The following LRRFIP1 variants were observed in gnomAD, a reference collection of about 807,000 sequenced individuals.
The protein encoded by LRRFIP1 is LRR binding FLII interacting protein 1.
Under a neutral mutation model 104.4 loss-of-function variants are expected in LRRFIP1, and 62 were observed. The observed-to-expected ratio is 0.59, with a 90% CI of 0.48 to 0.73. LRRFIP1 has a LOEUF of 0.73. Among genes scored for constraint, LRRFIP1 ranks in the 30% least tolerant of loss-of-function variants. The pLI, the probability that LRRFIP1 is intolerant of heterozygous loss-of-function variation, is 0.00. For synonymous variants in LRRFIP1, 300 were observed against 299.0 expected, an observed-to-expected ratio of 1.00 and a Z score of -0.03; for missense variants, 796 against 824.5, an observed-to-expected ratio of 0.97 and a Z score of 0.42.
Position 237,681,678 on chromosome 2 carries a change from C to CTTTTTTT in LRRFIP1, c.97-26853_97-26847dup, listed in dbSNP as rs1172576547. Among the ~76,000 whole-genome samples the CTTTTTTT allele has an allele frequency of 6.2e-4, 28 of 44,900 alleles. 6 individuals are homozygous for CTTTTTTT. The highest frequency in any genetic ancestry group is 1.3e-3 in the Admixed American group (4 of 3,074). 29.5% of individuals were successfully genotyped at this position (44,900 alleles called of 152,430 possible). ...CACCGTGCCCGGCCGCAGTCCTATTCTTTTTTTTTTTTTTTTTTTGAGACG... is the reference window on the plus strand; with the variant it reads ...CACCGTGCCCGGCCGCAGTCCTATTCTTTTTTTTTTTTTTTTTTTTTTTTTTGAGACG... On this transcript the variant is annotated intron_variant, in intron 1 of 23. Coordinates refer to ENST00000308482, the MANE Select transcript of LRRFIP1 (RefSeq NM_001137550.2).
chr2:237,708,583 G>C lies in LRRFIP1; in HGVS notation c.136G>C (p.Glu46Gln), dbSNP rs775872684. 2 of 1,598,702 alleles carry C rather than the reference G, an allele frequency of 1.3e-6. No homozygotes were observed. Among genetic ancestry groups the C allele is most frequent in the Admixed American group, 3.4e-5 (2 of 59,034 alleles). ...RLAAKRAARAEAREIRMKELE... is the reference protein window; with the variant it reads ...RLAAKRAARAQAREIRMKELE... ...CGCTGCAAAACGGGCGGCCCGCGCGGAGGCTCGCGAGATCCGCATGAAGGA... is the reference window on the plus strand; with the variant it reads ...CGCTGCAAAACGGGCGGCCCGCGCGCAGGCTCGCGAGATCCGCATGAAGGA... Residue 46 changes from glutamate to glutamine, a missense_variant, in exon 2 of 24, where the codon GAG becomes CAG. By Grantham distance (29) the Glu-to-Gln change is conservative. Transcript: ENST00000308482.
chr2:237,692,748 A>C (rs1285526771), intron 1 of LRRFIP1, among the ~76,000 whole-genome samples: 1 of 152,150 alleles, frequency 6.6e-6, no homozygotes, highest in Non-Finnish European at 1.5e-5. Flanking sequence ...GTGGGACGCC[A>C]CCTCCAAGGA....
intron 20 of LRRFIP1, 49 bp downstream of exon 20, chr2:237,770,041 A>G: frequency 7.0e-7 from 1 of 1,436,836 alleles, no homozygotes; most frequent in Non-Finnish European, 9.7e-7. Flanking sequence ...GGCACCTGAA[A>G]CCACCTGCCC....
chr2:237,703,438 T>C lies in LRRFIP1; in HGVS notation c.97-5106T>C, dbSNP rs568158704. ...CTAAAACAAAAGTCAGATTCCGCTG[T>C]GTTCTTAAAACCCTTCAGTGGTTCT... On this transcript the variant is annotated intron_variant, in intron 1 of 23. Coordinates refer to ENST00000308482, the MANE Select transcript of LRRFIP1 (RefSeq NM_001137550.2). The surrounding 1 kb of genome is among the most constrained non-coding windows in gnomAD (Gnocchi z 4.3). 2.7e-4 allele frequency among the ~76,000 whole-genome samples: 41 copies of C among 152,304 alleles called. No homozygotes were observed. Among genetic ancestry groups the C allele is most frequent in the African/African-American group, 9.1e-4 (38 of 41,558 alleles).
intron 1 of LRRFIP1, among the ~76,000 whole-genome samples, chr2:237,708,304 T>G (rs2093913002): frequency 6.6e-6 from 1 of 152,254 alleles, no homozygotes. Context: ...CATGGCATCA[T>G]ATCCATAAAG....
chr2:237,650,560 CTG>C (rs2085768048), intron 1 of LRRFIP1, among the ~76,000 whole-genome samples: 1 of 152,202 alleles, frequency 6.6e-6, no homozygotes, highest in Non-Finnish European at 1.5e-5. Flanking sequence ...ACACTGACTC[CTG>C]TGTGAATGAC....
Position 237,712,312 on chromosome 2 carries a change from CAA to C in LRRFIP1, c.184-1946_184-1945del, listed in dbSNP as rs370253427. On this transcript the variant is annotated intron_variant, in intron 2 of 23. Coordinates refer to ENST00000308482, the MANE Select transcript of LRRFIP1 (RefSeq NM_001137550.2). ...ATCAGTTCTGTACCAACAATAAAAA[CAA>C]GAGTGGAGGAGGGAGTGAATCCGTG... Among the ~76,000 whole-genome samples, 563 of 152,292 alleles carry C rather than the reference CAA, an allele frequency of 3.7e-3. 6 individuals carry two copies. Among genetic ancestry groups the C allele is most frequent in the Admixed American group, 9.2e-3 (141 of 15,298 alleles).
chr2:237,752,925 T>A (rs897627450), intron 14 of LRRFIP1, among the ~76,000 whole-genome samples: 4 of 152,222 alleles, frequency 2.6e-5, no homozygotes, highest in African/African-American at 9.6e-5. Context: ...GTCACACGCC[T>A]CGAGTGATTC....
intron 20 of LRRFIP1, among the ~76,000 whole-genome samples, chr2:237,771,124 T>A (rs1220378165): frequency 6.6e-6 from 1 of 152,076 alleles, no homozygotes; most frequent in African/African-American, 2.4e-5. Context: ...GGTGATCACC[T>A]GCAACAATTC....
chr2:237,690,883 G>T (rs2092711137), intron 1 of LRRFIP1, among the ~76,000 whole-genome samples: 1 of 152,180 alleles, frequency 6.6e-6, no homozygotes, highest in South Asian at 2.1e-4. Context: ...ATCAAAGACA[G>T]CTTGGCCTCT....
chr2:237,710,152 C>T (rs1683647622), intron 2 of LRRFIP1, among the ~76,000 whole-genome samples: 1 of 152,210 alleles, frequency 6.6e-6, no homozygotes. Context: ...TCAGCCACCA[C>T]ACCTGGCTTA....
chr2:237,707,173 A>C (rs2093852324), intron 1 of LRRFIP1, among the ~76,000 whole-genome samples: 1 of 152,066 alleles, frequency 6.6e-6, no homozygotes, highest in African/African-American at 2.4e-5. Context: ...AAGAAGGTAC[A>C]TTTGTAATAT....
chr2:237,701,132 G>A (rs1473145947), intron 1 of LRRFIP1, among the ~76,000 whole-genome samples: 3 of 152,194 alleles, frequency 2.0e-5, no homozygotes, highest in Non-Finnish European at 2.9e-5. Flanking sequence ...AGGAGTGTGG[G>A]GCTTTTGAAG....
intron 1 of LRRFIP1, among the ~76,000 whole-genome samples, chr2:237,670,978 G>A (rs773704400): frequency 9.9e-4 from 151 of 152,304 alleles, no homozygotes; most frequent in Non-Finnish European, 1.7e-3. Flanking sequence ...GAGGCTGCTG[G>A]CACTAACAGC....
intron 7 of LRRFIP1, among the ~76,000 whole-genome samples, chr2:237,725,890 G>A (rs1284377303): frequency 6.6e-6 from 1 of 152,238 alleles, no homozygotes; most frequent in Non-Finnish European, 1.5e-5. Flanking sequence ...TTCATAAGCA[G>A]CAGTGGAGAG....
intron 19 of LRRFIP1, chr2:237,763,857 C>G (rs1383218791): frequency 3.1e-6 from 5 of 1,614,198 alleles, no homozygotes; most frequent in Admixed American, 1.7e-5. Flanking sequence ...CAAAGCAGTC[C>G]TGCAGAACCA....
Position 237,772,924 on chromosome 2 carries a change from G to A in LRRFIP1, c.1686G>A (p.Glu562=). The change falls in exon 22 of 24, where the codon GAG becomes GAA. Residue 562 remains glutamate (E), a synonymous_variant. Transcript: ENST00000308482. The part of the protein sequence containing the change: ...LKFKLAKSEQ[E]ITALEQNVIR... ...TTAAACTTGCAAAATCTGAGCAAGA[G>A]ATAACTGCATTAGAACAAAATGTAC... 6.2e-7 allele frequency: 1 copy of A among 1,613,680 alleles called. No individual in the cohort carries two copies. The highest frequency in any genetic ancestry group is 1.1e-5 in the South Asian group (1 of 91,082).
rs761405638 is a variant in LRRFIP1 at position 237,753,461 on chromosome 2, G to C, written c.1020G>C (p.Gln340His). Reference protein sequence around the residue: ...LEEQLAESRRQYEEKNKEFER... With the variant: ...LEEQLAESRRHYEEKNKEFER... ...AACAGCTGGCTGAATCTAGGCGGCA[G>C]TACGAAGAGAAAAACAAAGTAAGCA... Residue 340 changes from glutamine to histidine, a missense_variant, in exon 15 of 24, where the codon CAG becomes CAC. Coordinates refer to ENST00000308482, the MANE Select transcript of LRRFIP1 (RefSeq NM_001137550.2). The C allele has an allele frequency of 1.9e-6, 3 of 1,589,018 alleles. No homozygotes were observed.
chr2:237,644,377 G>C (rs1165581948), intron 1 of LRRFIP1, among the ~76,000 whole-genome samples: 1 of 152,200 alleles, frequency 6.6e-6, no homozygotes. Context: ...GAGGAATTTA[G>C]GTGTATTAAC....
Sources: allele counts gnomAD v4.1 joint callset (sites outside exome capture counted in the v4.1 genomes callset), GRCh38; gene constraint gnomAD v4.1.1; non-coding constraint Gnocchi (gnomAD v3.1); transcripts MANE v1.5; gene names NCBI Gene and HGNC (gene_info 2026-07-23, HGNC 2026-07-21).